The following RXFP2 variants were observed in gnomAD, a reference collection of about 807,000 sequenced individuals.
RXFP2 encodes relaxin receptor 2.
RXFP2 carries 68 observed loss-of-function variants against 88.6 expected under a neutral mutation model. The observed-to-expected ratio is 0.77, with a 90% CI of 0.63 to 0.94. RXFP2 has a LOEUF of 0.94. Ranked by LOEUF, RXFP2 falls within the 40% of genes least tolerant of loss-of-function variation. The pLI, the probability that RXFP2 is intolerant of heterozygous loss-of-function variation, is 0.00. For missense variants in RXFP2, 791 were observed against 893.9 expected, an observed-to-expected ratio of 0.88 and a Z score of 1.47; for synonymous variants, 329 against 306.8, an observed-to-expected ratio of 1.07 and a Z score of -0.76.
chr13:31,792,729 T>C lies in RXFP2; in HGVS notation c.1427T>C (p.Ile476Thr). 1 of 1,614,162 alleles carries C rather than the reference T, an allele frequency of 6.2e-7. No homozygotes were observed. The highest frequency in any genetic ancestry group is 8.5e-7 in the Non-Finnish European group (1 of 1,180,012). The change falls in exon 16 of 18, where the codon ATA becomes ACA. Residue 476 changes from isoleucine (I) to threonine (T), a missense_variant. Physicochemically the swap from Ile to Thr is moderately conservative, Grantham distance 89. Coordinates refer to ENST00000298386, the MANE Select transcript of RXFP2 (RefSeq NM_130806.5). ...TTGTTCTTTGTTGGCATTTTCGATA[T>C]AAAATACCGAGGGCAGTATCAGAAG... is the stretch of plus-strand genomic sequence containing the variant. ...VYLFFVGIFD[I>T]KYRGQYQKYA... is the part of the protein sequence containing the mutation.
At chr13:31,763,235 C>T (rs945279119) in intron 3 of RXFP2, among the ~76,000 whole-genome samples, 6 of 152,066 alleles carry the variant, frequency 3.9e-5, no homozygotes, top group Non-Finnish European at 7.4e-5. Flanking sequence ...CAGACATGCA[C>T]CACCATGCCT....
chr13:31,758,349 T>G lies in RXFP2; in HGVS notation c.186T>G (p.Ala62=), dbSNP rs1872071263. Residue 62 remains alanine, a synonymous_variant, in exon 2 of 18, where the codon GCT becomes GCG. Coordinates refer to ENST00000298386, the MANE Select transcript of RXFP2 (RefSeq NM_130806.5). ...ATCTTACCAAGTGCTTACCCCGAGC[T>G]TTTCACTGTGATGGCAAGGATGACT... ...CGNLTKCLPR[A]FHCDGKDDCG... 1 of 1,614,042 alleles carries G rather than the reference T, an allele frequency of 6.2e-7. No individual in the cohort carries two copies. Among genetic ancestry groups the G allele is most frequent in the Non-Finnish European group, 8.5e-7 (1 of 1,180,020 alleles).
chr13:31,757,579 C>T (rs1271736800), intron 1 of RXFP2, among the ~76,000 whole-genome samples: 1 of 152,166 alleles, frequency 6.6e-6, no homozygotes, highest in Non-Finnish European at 1.5e-5. Context: ...ACCTCAAGTC[C>T]TTCTTGTAAA....
chr13:31,755,186 A>C lies in RXFP2; in HGVS notation c.95-3072A>C, dbSNP rs73163306. Among the ~76,000 whole-genome samples, 1,323 of 152,320 alleles carry C rather than the reference A, an allele frequency of 8.7e-3. 9 individuals are homozygous for C. The highest frequency in any genetic ancestry group is 0.015 in the Non-Finnish European group (1,010 of 68,024). On this transcript the variant is annotated intron_variant, in intron 1 of 17. Transcript: ENST00000298386. ...CAGAGAGAATTCTAATCCAGGTCTGAGTGTCTCTGAGGTGCATTATCACTA... is the reference window on the plus strand; with the variant it reads ...CAGAGAGAATTCTAATCCAGGTCTGCGTGTCTCTGAGGTGCATTATCACTA...
At chr13:31,755,353 C>T (rs552319276) in intron 1 of RXFP2, among the ~76,000 whole-genome samples, 4 of 152,030 alleles carry the variant, frequency 2.6e-5, no homozygotes, top group African/African-American at 9.6e-5. Context: ...AGTGATATTT[C>T]GGGAAATTTT....
At chr13:31,796,725 C>A (rs1043054093) in intron 16 of RXFP2, among the ~76,000 whole-genome samples, 1 of 152,154 alleles carries the variant, frequency 6.6e-6, no homozygotes, top group Non-Finnish European at 1.5e-5. Flanking sequence ...CACCACTGGG[C>A]TTATATAAAA....
rs751368288 is a variant in RXFP2, at chr13:31,797,337, T to C, written c.1923T>C (p.Phe641=). ...AGGTGGCTGTTGCAAATCGTTTCTT[T>C]TTTATAGTGTTCTCTGATGCCATCT... The part of the protein sequence containing the change: ...GREVAVANRF[F]FIVFSDAICW... Residue 641 remains phenylalanine, a synonymous_variant, in exon 17 of 18, where the codon TTT becomes TTC. Transcript: ENST00000298386. 5.0e-6 allele frequency: 8 copies of C among 1,614,048 alleles called. No individual in the cohort carries two copies. Among genetic ancestry groups the C allele is most frequent in the Middle Eastern group, 1.6e-4 (1 of 6,082 alleles).
rs1355913336 is a variant in RXFP2, at chr13:31,802,266, A to G, written c.2126A>G (p.His709Arg). ...AAGTTGAAACAGCTGCTGCACAAACATCAGAGGAAATCAATTTTCAAAATT... is the reference window on the plus strand; with the variant it reads ...AAGTTGAAACAGCTGCTGCACAAACGTCAGAGGAAATCAATTTTCAAAATT... The part of the protein sequence containing the change: ...KDKLKQLLHK[H>R]QRKSIFKIKK... Residue 709 changes from histidine to arginine, a missense_variant, in exon 18 of 18, where the codon CAT becomes CGT. Transcript: ENST00000298386. 1.9e-6 allele frequency: 3 copies of G among 1,613,958 alleles called. No individual in the cohort carries two copies.
intron 14 of RXFP2, among the ~76,000 whole-genome samples, chr13:31,791,433 A>G (rs537501000): frequency 7.2e-5 from 11 of 152,188 alleles, no homozygotes; most frequent in Non-Finnish European, 1.5e-4. Context: ...TCCCATCCCA[A>G]GCCCAAGCCC....
intron 1 of RXFP2, among the ~76,000 whole-genome samples, chr13:31,754,039 G>T (rs1294560769): frequency 6.6e-6 from 1 of 152,206 alleles, no homozygotes; most frequent in East Asian, 1.9e-4. Flanking sequence ...AATGCAGTCG[G>T]CAGGTTCTAT....
At chr13:31,776,470 A>G (rs1872989531) in intron 7 of RXFP2, among the ~76,000 whole-genome samples, 2 of 151,872 alleles carry the variant, frequency 1.3e-5, no homozygotes, top group Non-Finnish European at 2.9e-5. Context: ...CATGTTGCCC[A>G]GGATGGTCTC....
At chr13:31,766,258 C>G (rs1326077904) in intron 5 of RXFP2, among the ~76,000 whole-genome samples, 2 of 151,636 alleles carry the variant, frequency 1.3e-5, no homozygotes, top group Admixed American at 6.6e-5. Flanking sequence ...AACTTGGAGT[C>G]GAGGTAAAAC....
chr13:31,746,002 C>G (rs879374694), intron 1 of RXFP2, among the ~76,000 whole-genome samples: 1 of 152,190 alleles, frequency 6.6e-6, no homozygotes, highest in East Asian at 1.9e-4. Context: ...CAAGTCATAG[C>G]CTTGACCTTG....
intron 1 of RXFP2, among the ~76,000 whole-genome samples, chr13:31,744,134 T>C (rs1244450776): frequency 2.6e-5 from 4 of 152,172 alleles, no homozygotes; most frequent in Non-Finnish European, 5.9e-5. Flanking sequence ...ACCATGTCTG[T>C]TGCTTGCTAG....
chr13:31,760,686 T>C (rs1872264842), intron 2 of RXFP2, among the ~76,000 whole-genome samples: 1 of 152,158 alleles, frequency 6.6e-6, no homozygotes. Flanking sequence ...GAAATAGAAA[T>C]AAAGATTCCA....
chr13:31,781,589 T>G, intron 9 of RXFP2, 82 bp from the exon 10 acceptor site: 1 of 1,000,122 alleles, frequency 1.0e-6, no homozygotes, highest in South Asian at 1.4e-5. Context: ...AAAAATAAAC[T>G]TGATAACCAT....
At chr13:31,802,048 T>C in intron 17 of RXFP2, 98 bp from the exon 18 acceptor site, 1 of 1,201,990 alleles carries the variant, frequency 8.3e-7, no homozygotes, top group Non-Finnish European at 1.2e-6. Flanking sequence ...ATGTACTATG[T>C]CTCCCTCTCA....
intron 1 of RXFP2, among the ~76,000 whole-genome samples, chr13:31,741,025 C>T (rs1169104842): frequency 2.6e-5 from 4 of 151,970 alleles, no homozygotes; most frequent in East Asian, 1.9e-4. Flanking sequence ...CTTTAATGTA[C>T]GGGACTATAA....
chr13:31,751,754 C>T (rs754835927), intron 1 of RXFP2, among the ~76,000 whole-genome samples: 6 of 152,172 alleles, frequency 3.9e-5, no homozygotes, highest in Admixed American at 1.3e-4. Context: ...AAGTTCCCAT[C>T]GGGCTTCCCC....
Sources: allele counts gnomAD v4.1 joint callset (sites outside exome capture counted in the v4.1 genomes callset), GRCh38; gene constraint gnomAD v4.1.1; transcripts MANE v1.5; gene names NCBI Gene and HGNC (gene_info 2026-07-23, HGNC 2026-07-21).